MBIP: variants seen among roughly 807,000 people sequenced by gnomAD.
The protein encoded by MBIP is MAP3K12 binding inhibitory protein 1.
Under a neutral mutation model 45.7 loss-of-function variants are expected in MBIP, and 32 were observed. The observed-to-expected ratio is 0.70, with a 90% CI of 0.53 to 0.94. The LOEUF (loss-of-function observed/expected upper bound fraction) is 0.94, where lower values mean the gene tolerates loss of function less well. Ranked by LOEUF, MBIP falls within the 40% of genes least tolerant of loss-of-function variation. The pLI, the probability that MBIP is intolerant of heterozygous loss-of-function variation, is 0.00. For synonymous variants in MBIP, 145 were observed against 141.0 expected (o/e 1.03, Z -0.20); for missense variants, 381 against 405.5 (o/e 0.94, Z 0.52).
chr14:36,300,715 T>C, intron 8 of MBIP, 70 bp downstream of exon 8: 1 of 1,198,800 alleles, frequency 8.3e-7, no homozygotes, highest in Non-Finnish European at 1.2e-6. Context: ...AGTAGAAACT[T>C]TTATTAATAA....
In MBIP at chr14:36,311,991, G is replaced by T; in HGVS notation, c.605C>A (p.Thr202Asn). 6.3e-7 allele frequency: 1 copy of T among 1,596,228 alleles called. No individual in the cohort carries two copies. Among genetic ancestry groups the T allele is most frequent in the Non-Finnish European group, 8.5e-7 (1 of 1,172,532 alleles). Residue 202 changes from threonine (T) to asparagine (N), a missense_variant, in exon 5 of 9, where the codon ACC (threonine) becomes AAC (asparagine). Coordinates refer to ENST00000416007, the MANE Select transcript of MBIP (RefSeq NM_016586.3). ...GTGACTTTTAAATCCGGGGTAAGGG[G>T]TAAAAATCGCATCAGTTCTTGCACA... ...NSCARTDAIF[T>N]PYPGFKSHVK...
rs765659573 is a variant in MBIP, at chr14:36,320,492, T to C, written c.97A>G (p.Ile33Val). Residue 33 changes from isoleucine (I) to valine (V), a missense_variant, in exon 1 of 9, where the codon ATC becomes GTC. Coordinates refer to ENST00000416007, the MANE Select transcript of MBIP (RefSeq NM_016586.3). ...PNLSREVLYE[I>V]FRSLHTLVGQ... ...ACCAGGGTGTGTAGGGAGCGAAAGA[T>C]TTCGTAGAGCACCTCTCGGGAGAGG... 9 of 1,613,842 alleles carry C rather than the reference T, an allele frequency of 5.6e-6. No homozygotes were observed. Among genetic ancestry groups the C allele is most frequent in the African/African-American group, 5.3e-5 (4 of 74,870 alleles).
In MBIP at chr14:36,302,491, T is replaced by TAAAA. The variant is rs377221159; in HGVS notation, c.889-1672_889-1669dup. Among the ~76,000 whole-genome samples the TAAAA allele has an allele frequency of 7.5e-4, 75 of 100,538 alleles. 1 individual carries two copies. The highest frequency in any genetic ancestry group is 2.4e-3 in the African/African-American group (70 of 29,434). The allele number at this position is 100,538 out of a possible 152,430, so 66.0% of individuals were successfully genotyped here. On this transcript the variant is annotated intron_variant, in intron 7 of 8. Transcript: ENST00000416007. ...TGGGCGACAGAGCAAGACACCATCT[T>TAAAA]AAAAAAAAAAAAAAAAAAAAAAAAA...
chr14:36,318,266 T>C (rs370712670), intron 1 of MBIP, among the ~76,000 whole-genome samples: 1 of 152,016 alleles, frequency 6.6e-6, no homozygotes, highest in African/African-American at 2.4e-5. Flanking sequence ...AGTATCACAT[T>C]TTCTAGAGAA....
chr14:36,306,252 GTTTTGTTTT>G (rs1371548760), intron 7 of MBIP, among the ~76,000 whole-genome samples: 5 of 151,188 alleles, frequency 3.3e-5, no homozygotes, highest in Non-Finnish European at 7.4e-5. Flanking sequence ...ACATCTATAA[GTTTTGTTTT>G]TTTTGTTTTT....
chr14:36,299,215 G>A (rs1879381572), intron 8 of MBIP, 25 bp from the exon 9 acceptor site: 1 of 1,499,048 alleles, frequency 6.7e-7, no homozygotes, highest in East Asian at 2.3e-5. Context: ...GACACAAATT[G>A]CTGAATAAGA....
At chr14:36,306,676 G>A (rs892159511) in intron 7 of MBIP, among the ~76,000 whole-genome samples, 1 of 152,062 alleles carries the variant, frequency 6.6e-6, no homozygotes, top group Admixed American at 6.6e-5. Context: ...TTGTAAGATC[G>A]GTTCTATCGT....
At chr14:36,308,229 ATTCT>A (rs1879998842) in intron 6 of MBIP, 40 bp from the exon 7 acceptor site, 3 of 995,912 alleles carry the variant, frequency 3.0e-6, no homozygotes, top group East Asian at 2.4e-5. Flanking sequence ...CTATTGAATA[ATTCT>A]TTCTTTTCAC....
rs183129783 is a variant in MBIP at position 36,299,300 on chromosome 14, T to C, written c.928-110A>G. The C allele has an allele frequency of 1.1e-5, 8 of 735,784 alleles. No individual in the cohort carries two copies. In the Admixed American group the frequency reaches 1.3e-4, roughly 12 times the overall value. The allele number at this position is 735,784 out of a possible 1,614,324, so 45.6% of individuals were successfully genotyped here. A position where few individuals can be genotyped will look rare whatever the true frequency, so the allele number is the denominator to read the frequency against. ...TAAAATATTCAAAAGCATGATCAAA[T>C]GGTTTTTTTCCCTCATGAGAATAAT... On this transcript the variant is annotated intron_variant, in intron 8 of 8. Coordinates refer to ENST00000416007, the MANE Select transcript of MBIP (RefSeq NM_016586.3).
At chr14:36,307,885 T>G (rs1410668868) in intron 7 of MBIP, 1 of 348,478 alleles carries the variant, frequency 2.9e-6, no homozygotes, top group Non-Finnish European at 5.1e-6. Flanking sequence ...AATAGAAGTA[T>G]CCCTTTTTAA....
At chr14:36,303,122 G>C (rs1486573136) in intron 7 of MBIP, among the ~76,000 whole-genome samples, 4 of 152,202 alleles carry the variant, frequency 2.6e-5, no homozygotes, top group Non-Finnish European at 5.9e-5. Context: ...ATGATGTTTG[G>C]TAGGTTAGAG....
At chr14:36,305,811 T>C (rs1879837091) in intron 7 of MBIP, among the ~76,000 whole-genome samples, 2 of 152,212 alleles carry the variant, frequency 1.3e-5, no homozygotes. Context: ...GTATCATTTT[T>C]CCAACCAGAA....
At chr14:36,317,337 C>A (rs1038458997) in intron 1 of MBIP, among the ~76,000 whole-genome samples, 1 of 152,016 alleles carries the variant, frequency 6.6e-6, no homozygotes, top group Admixed American at 6.5e-5. Flanking sequence ...AACTTTTAAC[C>A]GATTTTTAAA....
chr14:36,304,370 A>G (rs1048651764), intron 7 of MBIP, among the ~76,000 whole-genome samples: 2 of 152,248 alleles, frequency 1.3e-5, no homozygotes, highest in Non-Finnish European at 2.9e-5. Flanking sequence ...TGAACAAGAC[A>G]TAGTTCCTGC....
intron 7 of MBIP, among the ~76,000 whole-genome samples, chr14:36,304,758 T>C (rs563241712): frequency 7.0e-4 from 106 of 152,344 alleles, no homozygotes; most frequent in African/African-American, 2.5e-3. Context: ...CATAATCTGA[T>C]TACATTTTAT....
chr14:36,312,062 T>G, intron 4 of MBIP, 38 bp from the exon 5 acceptor site: 1 of 1,188,532 alleles, frequency 8.4e-7, no homozygotes, highest in South Asian at 1.5e-5. Flanking sequence ...TTAAATATAT[T>G]CTTCCCTTCA....
chr14:36,299,014 G>A lies in MBIP; in HGVS notation c.*69C>T. 1.8e-6 allele frequency: 2 copies of A among 1,089,960 alleles called. No homozygotes were observed. Among genetic ancestry groups the A allele is most frequent in the Non-Finnish European group, 2.8e-6 (2 of 713,362 alleles). The allele number at this position is 1,089,960 out of a possible 1,614,324, so 67.5% of individuals were successfully genotyped here. A position where few individuals can be genotyped will look rare whatever the true frequency, so the allele number is the denominator to read the frequency against. Reference sequence around the variant, plus strand: ...CTACATTGATAAATATATATCCGTTGAATTAATAACAGTGTAAGTTACACA... The same window carrying A: ...CTACATTGATAAATATATATCCGTTAAATTAATAACAGTGTAAGTTACACA... On this transcript the variant is annotated 3_prime_UTR_variant, in exon 9 of 9. Transcript: ENST00000416007.
chr14:36,302,743 A>G (rs939374629), intron 7 of MBIP, among the ~76,000 whole-genome samples: 1 of 152,144 alleles, frequency 6.6e-6, no homozygotes, highest in African/African-American at 2.4e-5. Flanking sequence ...TAGAAATACC[A>G]TATCTACCGT....
chr14:36,299,613 C>T (rs907956268), intron 8 of MBIP, among the ~76,000 whole-genome samples: 1 of 151,962 alleles, frequency 6.6e-6, no homozygotes, highest in Non-Finnish European at 1.5e-5. Flanking sequence ...GCAATTTACC[C>T]ATGTAACAAA....
Sources: gnomAD v4.1 joint callset for allele counts (sites outside exome capture counted in the v4.1 genomes callset) on GRCh38, gnomAD v4.1.1 for gene constraint, MANE v1.5 for transcripts, NCBI Gene and HGNC (gene_info 2026-07-23, HGNC 2026-07-21) for gene names.